CNTNAP2: variants seen among roughly 807,000 people sequenced by gnomAD.
The protein encoded by CNTNAP2 is contactin-associated protein-like 2.
Under a neutral mutation model 155.2 loss-of-function variants are expected in CNTNAP2, and 98 were observed. That is an observed-to-expected ratio of 0.63 (90% CI 0.54 to 0.75). CNTNAP2 has a LOEUF of 0.75. Among genes scored for constraint, CNTNAP2 ranks in the 30% least tolerant of loss-of-function variants. CNTNAP2 has a pLI of 0.00. For synonymous variants in CNTNAP2, 651 were observed against 631.2 expected, an observed-to-expected ratio of 1.03 and a Z score of -0.47; for missense variants, 1,727 against 1,688.1, an observed-to-expected ratio of 1.02 and a Z score of -0.40.
chr7:146,851,244 C>T (rs563499476), intron 3 of CNTNAP2, among the ~76,000 whole-genome samples: 213 of 152,236 alleles, frequency 1.4e-3, no homozygotes, highest in African/African-American at 4.7e-3. Context: ...CTCGGCCTCC[C>T]AGAGTGCTGG....
chr7:148,383,555 T>A (rs1637841), intron 21 of CNTNAP2, 94 bp from the exon 22 acceptor site: 24 of 1,565,258 alleles, frequency 1.5e-5, no homozygotes, highest in Non-Finnish European at 2.1e-5. Context: ...GAAACCTAAA[T>A]GTAAGCTTTG....
intron 21 of CNTNAP2, among the ~76,000 whole-genome samples, chr7:148,340,966 C>T (rs368826711): frequency 6.6e-6 from 1 of 152,224 alleles, no homozygotes; most frequent in African/African-American, 2.4e-5. Context: ...ATTTCACAAA[C>T]GGGAGGTCTA....
intron 10 of CNTNAP2, among the ~76,000 whole-genome samples, chr7:147,442,896 C>T (rs1301435742): frequency 1.3e-5 from 2 of 152,110 alleles, no homozygotes; most frequent in Non-Finnish European, 2.9e-5. Context: ...ACGAAATCTT[C>T]TCCAGTCTTC....
intron 21 of CNTNAP2, among the ~76,000 whole-genome samples, chr7:148,331,923 G>C (rs1466637095): frequency 6.6e-6 from 1 of 152,108 alleles, no homozygotes; most frequent in Non-Finnish European, 1.5e-5. Flanking sequence ...AGAAAATGGA[G>C]CTGCCTGCCT....
At chr7:147,692,750 C>T (rs1313073008) in intron 13 of CNTNAP2, among the ~76,000 whole-genome samples, 1 of 152,000 alleles carries the variant, frequency 6.6e-6, no homozygotes, top group Non-Finnish European at 1.5e-5. Flanking sequence ...GATGACACTC[C>T]TCTATCAGAT....
At chr7:147,457,537 C>A (rs1191745330) in intron 10 of CNTNAP2, among the ~76,000 whole-genome samples, 2 of 147,222 alleles carry the variant, frequency 1.4e-5, no homozygotes, top group Non-Finnish European at 3.0e-5. Flanking sequence ...TGTCGTGAGA[C>A]TACAAAGTTC....
intron 3 of CNTNAP2, among the ~76,000 whole-genome samples, chr7:146,895,524 TA>T (rs564662650): frequency 1.4e-4 from 22 of 152,238 alleles, no homozygotes; most frequent in African/African-American, 4.8e-4. Flanking sequence ...TCTGTAGTTG[TA>T]AAAACATAAC....
At chr7:146,827,442 T>C (rs895339974) in intron 2 of CNTNAP2, among the ~76,000 whole-genome samples, 1 of 151,994 alleles carries the variant, frequency 6.6e-6, no homozygotes, top group Non-Finnish European at 1.5e-5. Context: ...ATATACTTAC[T>C]TTCTGCATCT....
intron 11 of CNTNAP2, among the ~76,000 whole-genome samples, chr7:147,536,313 C>A (rs990626247): frequency 6.6e-6 from 1 of 152,296 alleles, no homozygotes; most frequent in South Asian, 2.1e-4. Context: ...TGCGAATGTG[C>A]CAGTGAGTAG....
intron 17 of CNTNAP2, among the ~76,000 whole-genome samples, chr7:148,151,120 A>G (rs146723348): frequency 3.3e-5 from 5 of 152,290 alleles, no homozygotes; most frequent in African/African-American, 1.2e-4. Context: ...GTGGTTAACA[A>G]TATGGTCTTT....
intron 15 of CNTNAP2, among the ~76,000 whole-genome samples, chr7:147,986,047 A>G (rs957042408): frequency 1.3e-5 from 2 of 152,036 alleles, no homozygotes; most frequent in African/African-American, 2.4e-5. Context: ...AGTTTTCATT[A>G]CACTGTGTAC....
chr7:147,146,651 C>G (rs1029501796), intron 8 of CNTNAP2: 2 of 152,306 alleles, frequency 1.3e-5, no homozygotes, highest in African/African-American at 2.4e-5. Context: ...AAAAGTGATC[C>G]AGTTGCACAG....
At chr7:147,218,224 A>T (rs955289660) in intron 8 of CNTNAP2, among the ~76,000 whole-genome samples, 1 of 151,820 alleles carries the variant, frequency 6.6e-6, no homozygotes, top group Non-Finnish European at 1.5e-5. Context: ...CCTAATTTAG[A>T]AGCTTAGATA....
chr7:147,661,606 G>A (rs1182531491), intron 13 of CNTNAP2, among the ~76,000 whole-genome samples: 1 of 150,320 alleles, frequency 6.7e-6, no homozygotes, highest in Non-Finnish European at 1.5e-5. Context: ...AGGCTGGAGT[G>A]CAGTGGCATG....
intron 9 of CNTNAP2, among the ~76,000 whole-genome samples, chr7:147,387,544 G>A (rs1052511184): frequency 3.9e-5 from 6 of 152,068 alleles, no homozygotes; most frequent in African/African-American, 1.4e-4. Flanking sequence ...TTTCTCCAAT[G>A]TAAAGTGACT....
At chr7:147,122,614 T>A (rs1008988320) in intron 6 of CNTNAP2, 1 of 152,202 alleles carries the variant, frequency 6.6e-6, no homozygotes, top group African/African-American at 2.4e-5. Context: ...ATCAGAGTAA[T>A]GAGAGTAATG....
intron 9 of CNTNAP2, among the ~76,000 whole-genome samples, chr7:147,333,396 A>C (rs868446808): frequency 6.6e-6 from 1 of 152,242 alleles, no homozygotes; most frequent in Admixed American, 6.5e-5. Context: ...CATTAAAATC[A>C]TAAAATAGAC....
chr7:146,163,727 A>G (rs1205051721), intron 1 of CNTNAP2, among the ~76,000 whole-genome samples: 1 of 149,216 alleles, frequency 6.7e-6, no homozygotes, highest in African/African-American at 2.5e-5. Context: ...CATACTGGGT[A>G]AAAAAAAAGA....
At chr7:147,874,218 T>G (rs1476761044) in intron 13 of CNTNAP2, among the ~76,000 whole-genome samples, 1 of 152,208 alleles carries the variant, frequency 6.6e-6, no homozygotes, top group Non-Finnish European at 1.5e-5. Flanking sequence ...AGTGCCCCAG[T>G]GGGAACTCTG....
Sources: allele counts gnomAD v4.1 joint callset (sites outside exome capture counted in the v4.1 genomes callset), GRCh38; gene constraint gnomAD v4.1.1; transcripts MANE v1.5; gene names NCBI Gene and HGNC (gene_info 2026-07-23, HGNC 2026-07-21).